The following CNTN6 variants were observed in gnomAD, a reference collection of about 807,000 sequenced individuals.
CNTN6 encodes contactin 6, also known as contactin-6.
A neutral mutation model predicts 122.8 loss-of-function variants in CNTN6; 137 were observed. The observed-to-expected ratio is 1.12, with a 90% CI of 0.97 to 1.29. The LOEUF (loss-of-function observed/expected upper bound fraction) is 1.29, where lower values mean the gene tolerates loss of function less well. Ranked by LOEUF, CNTN6 falls within the 50% of genes most tolerant of loss-of-function variation. The probability of loss-of-function intolerance (pLI) is 0.00; values close to 1 mark genes in which losing one functional copy is unlikely to be tolerated. For missense variants in CNTN6, 1,634 were observed against 1,223.4 expected, an observed-to-expected ratio of 1.34 and a Z score of -5.01; for synonymous variants, 570 against 426.0, an observed-to-expected ratio of 1.34 and a Z score of -4.16.
chr3:1,345,773 A>T (rs953632670), intron 11 of CNTN6, among the ~76,000 whole-genome samples: 1 of 152,114 alleles, frequency 6.6e-6, no homozygotes, highest in Non-Finnish European at 1.5e-5. Flanking sequence ...TTATACCCAC[A>T]TTTCTATTTC....
chr3:1,386,524 G>C (rs1576012646), intron 20 of CNTN6, among the ~76,000 whole-genome samples: 1 of 152,084 alleles, frequency 6.6e-6, no homozygotes, highest in African/African-American at 2.4e-5. Context: ...ACTGAGTCTG[G>C]TAATGCACAA....
chr3:1,276,720 T>A (rs186163694), intron 4 of CNTN6, among the ~76,000 whole-genome samples: 118 of 152,326 alleles, frequency 7.7e-4, no homozygotes, highest in Non-Finnish European at 1.5e-3. Context: ...TCTCTTCTTA[T>A]CTTTTACAGG....
At chr3:1,276,162 C>T (rs1302870463) in intron 4 of CNTN6, among the ~76,000 whole-genome samples, 10 of 152,164 alleles carry the variant, frequency 6.6e-5, no homozygotes, top group Non-Finnish European at 1.5e-5. Flanking sequence ...TCACATCTCC[C>T]ATCCATTCCT....
intron 7 of CNTN6, among the ~76,000 whole-genome samples, chr3:1,307,988 A>G (rs1192932463): frequency 2.0e-5 from 3 of 152,130 alleles, no homozygotes; most frequent in Admixed American, 1.3e-4. Flanking sequence ...CTCTTTGGAA[A>G]TGGGTGACTA....
intron 11 of CNTN6, among the ~76,000 whole-genome samples, chr3:1,340,508 T>G (rs996257506): frequency 3.3e-5 from 5 of 152,142 alleles, no homozygotes; most frequent in Admixed American, 1.3e-4. Flanking sequence ...CAATGTAATT[T>G]TTGATGGCAT....
chr3:1,375,919 CTA>C (rs1197008693), intron 16 of CNTN6, among the ~76,000 whole-genome samples: 1 of 151,904 alleles, frequency 6.6e-6, no homozygotes, highest in African/African-American at 2.4e-5. Flanking sequence ...AATAAGCAAT[CTA>C]GATTTATTTA....
intron 3 of CNTN6, among the ~76,000 whole-genome samples, chr3:1,226,639 A>G (rs2094287715): frequency 6.6e-6 from 1 of 152,156 alleles, no homozygotes; most frequent in African/African-American, 2.4e-5. Flanking sequence ...TTTTACAATC[A>G]TACTTCTGCA....
At chr3:1,240,494 A>T (rs1056685588) in intron 4 of CNTN6, among the ~76,000 whole-genome samples, 1 of 152,224 alleles carries the variant, frequency 6.6e-6, no homozygotes, top group Admixed American at 6.5e-5. Context: ...CTCCTGCAAG[A>T]ATTGCCATAA....
In CNTN6 at chr3:1,403,340, A is replaced by G. The variant is rs1560057085; in HGVS notation, c.3009A>G (p.Gln1003=). The part of the protein sequence containing the change: ...KMSSLSSRGI[Q]FLEPSTHFLS... Reference sequence around the variant, plus strand: ...CAGGTTTGAGTTCCAGAGGAATTCAATTCTTAGAACCTAGCACCCATTTTC... The same window carrying G: ...CAGGTTTGAGTTCCAGAGGAATTCAGTTCTTAGAACCTAGCACCCATTTTC... Residue 1003 remains glutamine (Q), a synonymous_variant, in exon 23 of 23, where the codon CAA becomes CAG. Coordinates refer to ENST00000446702, the MANE Select transcript of CNTN6 (RefSeq NM_001289080.2). 6.2e-7 allele frequency: 1 copy of G among 1,610,174 alleles called. No individual in the cohort carries two copies. The highest frequency in any genetic ancestry group is 2.2e-5 in the East Asian group (1 of 44,752).
At chr3:1,389,584 T>TG (rs1249083987) in intron 20 of CNTN6, among the ~76,000 whole-genome samples, 3 of 152,080 alleles carry the variant, frequency 2.0e-5, no homozygotes, top group Non-Finnish European at 4.4e-5. Flanking sequence ...TAAATGTAAA[T>TG]GGACTAAATG....
At chr3:1,377,556 G>C (rs563344024) in intron 17 of CNTN6, among the ~76,000 whole-genome samples, 25 of 152,176 alleles carry the variant, frequency 1.6e-4, no homozygotes, top group Non-Finnish European at 2.6e-4. Flanking sequence ...TAACATACAG[G>C]CTCATTTTTT....
At chr3:1,119,697 C>T (rs534586244) in intron 1 of CNTN6, among the ~76,000 whole-genome samples, 1 of 151,900 alleles carries the variant, frequency 6.6e-6, no homozygotes, top group South Asian at 2.1e-4. Flanking sequence ...CCTTAGTTCC[C>T]TCCAAAATAT....
intron 16 of CNTN6, among the ~76,000 whole-genome samples, chr3:1,376,547 T>G (rs1284890195): frequency 6.6e-6 from 1 of 152,182 alleles, no homozygotes; most frequent in African/African-American, 2.4e-5. Flanking sequence ...TACATATTTT[T>G]CAGTATTTAA....
At chr3:1,250,012 AT>A (rs1238645547) in intron 4 of CNTN6, among the ~76,000 whole-genome samples, 23 of 151,998 alleles carry the variant, frequency 1.5e-4, no homozygotes, top group African/African-American at 4.8e-5. Context: ...TATTGTTTTT[AT>A]TTAAAAAGGT....
chr3:1,187,433 T>G (rs2093644715), intron 2 of CNTN6, among the ~76,000 whole-genome samples: 1 of 152,178 alleles, frequency 6.6e-6, no homozygotes, highest in Non-Finnish European at 1.5e-5. Context: ...AAACATAGCG[T>G]CTTTATGTAC....
intron 7 of CNTN6, among the ~76,000 whole-genome samples, chr3:1,300,513 G>GGA (rs1697082290): frequency 2.9e-5 from 4 of 137,088 alleles, no homozygotes; most frequent in African/African-American, 1.2e-4. Context: ...GAAAGAGAAA[G>GGA]AAAGAAAGAA....
intron 20 of CNTN6, among the ~76,000 whole-genome samples, chr3:1,386,847 A>C (rs905861280): frequency 7.9e-5 from 12 of 152,262 alleles, no homozygotes; most frequent in Admixed American, 2.6e-4. Flanking sequence ...TTTGGAAAGA[A>C]GAGATGGTTA....
chr3:1,307,087 T>G (rs1575633804), intron 7 of CNTN6, among the ~76,000 whole-genome samples: 1 of 152,210 alleles, frequency 6.6e-6, no homozygotes, highest in South Asian at 2.1e-4. Context: ...ATAAAGAAGA[T>G]TACATAAAGG....
chr3:1,375,447 T>C (rs1215500708), intron 16 of CNTN6, among the ~76,000 whole-genome samples: 1 of 152,134 alleles, frequency 6.6e-6, no homozygotes, highest in Non-Finnish European at 1.5e-5. Flanking sequence ...TAACAACTTG[T>C]TCTCAATATG....
Sources: gnomAD v4.1 joint callset for allele counts (sites outside exome capture counted in the v4.1 genomes callset) on GRCh38, gnomAD v4.1.1 for gene constraint, MANE v1.5 for transcripts, NCBI Gene and HGNC (gene_info 2026-07-23, HGNC 2026-07-21) for gene names.